Variants in MAP4K4 observed in about 807,000 individuals in gnomAD.
MAP4K4 encodes HPK/GCK-like kinase HGK.
A neutral mutation model predicts 189.6 loss-of-function variants in MAP4K4; 38 were observed. The ratio of observed to expected loss-of-function variants is 0.20; its 90% CI spans 0.15 to 0.26. MAP4K4 has a LOEUF of 0.26. MAP4K4 is among the 10% of genes least tolerant of loss of function. The pLI is 1.00. For missense variants in MAP4K4, 1,054 were observed against 1,726.9 expected, an observed-to-expected ratio of 0.61 and a Z score of 6.91; for synonymous variants, 610 against 624.3, an observed-to-expected ratio of 0.98 and a Z score of 0.34.
chr2:101,705,549 CAT>C (rs1320966909), intron 2 of MAP4K4, among the ~76,000 whole-genome samples: 1 of 152,180 alleles, frequency 6.6e-6, no homozygotes, highest in Admixed American at 6.5e-5. Flanking sequence ...AAAAGGTAGA[CAT>C]ATAGAATATC....
At chr2:101,763,272 G>A (rs115882388) in intron 2 of MAP4K4, among the ~76,000 whole-genome samples, 1,632 of 152,314 alleles carry the variant, frequency 0.011, 38 homozygotes, top group African/African-American at 0.037. Flanking sequence ...AGTGGATAAA[G>A]GCGCTGTTCT....
intron 10 of MAP4K4, 131 bp from the exon 11 acceptor site, chr2:101,842,478 C>T (rs567866489): frequency 3.3e-6 from 2 of 605,618 alleles, no homozygotes; most frequent in South Asian, 4.5e-5. Context: ...TCCCCAAATC[C>T]TCTATACAAG....
chr2:101,759,506 C>CA, intron 2 of MAP4K4, among the ~76,000 whole-genome samples: 1 of 58,314 alleles, frequency 1.7e-5, no homozygotes, highest in Admixed American at 1.6e-4. Flanking sequence ...CTCCCCTCTC[C>CA]CCTCCCCTCC....
exon 33 of MAP4K4, chr2:101,893,132 A>G: frequency 2.2e-6 from 1 of 456,396 alleles, no homozygotes; most frequent in South Asian, 1.5e-5. Context: ...ACCTCTTGTC[A>G]GTTTCCTGTT....
chr2:101,862,473 C>T (rs113499535), intron 16 of MAP4K4, among the ~76,000 whole-genome samples: 1,826 of 152,128 alleles, frequency 0.012, 10 homozygotes, highest in Middle Eastern at 0.041. Flanking sequence ...TCTGAGGACT[C>T]GTGTTCTTTA....
chr2:101,784,001 C>T (rs2089237063), intron 2 of MAP4K4, among the ~76,000 whole-genome samples: 1 of 152,128 alleles, frequency 6.6e-6, no homozygotes, highest in Non-Finnish European at 1.5e-5. Context: ...CTGTCCCCTT[C>T]TGGGATTTGG....
intron 12 of MAP4K4, among the ~76,000 whole-genome samples, chr2:101,846,966 A>G (rs1227093059): frequency 6.6e-6 from 1 of 152,234 alleles, no homozygotes; most frequent in Non-Finnish European, 1.5e-5. Flanking sequence ...GCAGATGCCC[A>G]AGCCCCTGAT....
intron 27 of MAP4K4, among the ~76,000 whole-genome samples, chr2:101,877,397 G>A (rs1393001203): frequency 6.6e-6 from 1 of 151,644 alleles, no homozygotes; most frequent in Non-Finnish European, 1.5e-5. Flanking sequence ...ATCTCTCACT[G>A]CCCTCTCTGC....
chr2:101,761,919 G>A (rs7559442), intron 2 of MAP4K4, among the ~76,000 whole-genome samples: 14,760 of 152,154 alleles, frequency 0.097, 2,034 homozygotes, highest in African/African-American at 0.31. Context: ...GCTACATTCA[G>A]CGCTGGTGCT....
chr2:101,797,690 A>C (rs1287037969), intron 3 of MAP4K4, among the ~76,000 whole-genome samples: 1 of 152,052 alleles, frequency 6.6e-6, no homozygotes, highest in Non-Finnish European at 1.5e-5. Context: ...ATACTGGTAT[A>C]AGACAAGACC....
intron 2 of MAP4K4, among the ~76,000 whole-genome samples, chr2:101,750,908 G>A (rs1248968336): frequency 6.6e-6 from 1 of 151,740 alleles, no homozygotes; most frequent in African/African-American, 2.4e-5. Context: ...CATCAAGATT[G>A]TGTATTCAGA....
At chr2:101,782,579 A>T (rs957470895) in intron 2 of MAP4K4, among the ~76,000 whole-genome samples, 4 of 152,200 alleles carry the variant, frequency 2.6e-5, no homozygotes. Flanking sequence ...ACGTGCACAT[A>T]TAGGAGCCCT....
intron 2 of MAP4K4, among the ~76,000 whole-genome samples, chr2:101,740,040 T>C (rs2061930479): frequency 6.6e-6 from 1 of 152,130 alleles, no homozygotes; most frequent in African/African-American, 2.4e-5. Context: ...TGACCACAGG[T>C]CATAGGCCCC....
At chr2:101,799,811 C>T (rs1258634885) in intron 3 of MAP4K4, among the ~76,000 whole-genome samples, 1 of 152,104 alleles carries the variant, frequency 6.6e-6, no homozygotes, top group Non-Finnish European at 1.5e-5. Flanking sequence ...CTGTGTTACC[C>T]AGGCTGGTCT....
At chr2:101,872,157 A>ATT (rs925518664) in intron 24 of MAP4K4, among the ~76,000 whole-genome samples, 1 of 140,732 alleles carries the variant, frequency 7.1e-6, no homozygotes, top group Non-Finnish European at 1.6e-5. Flanking sequence ...AACAGAACTG[A>ATT]TTTTTTTTTT....
intron 15 of MAP4K4, 23 bp from the exon 16 acceptor site, chr2:101,860,802 T>C (rs2097628253): frequency 6.3e-7 from 1 of 1,586,940 alleles, no homozygotes; most frequent in Middle Eastern, 1.7e-4. Context: ...CACTGAGTTA[T>C]GTCTTCTAAT....
chr2:101,893,187 C>T (rs1308523725), exon 33 of MAP4K4: 4 of 456,448 alleles, frequency 8.8e-6, no homozygotes, highest in Non-Finnish European at 1.8e-5. Context: ...GAGCTACAAA[C>T]ATCTGGTAAG....
intron 12 of MAP4K4, among the ~76,000 whole-genome samples, chr2:101,847,694 TAAAG>T (rs1329407436): frequency 2.0e-5 from 3 of 152,150 alleles, no homozygotes; most frequent in Admixed American, 2.0e-4. Context: ...ATTTAAAAGT[TAAAG>T]TAAGAAAAAA....
intron 13 of MAP4K4, 85 bp from the exon 14 acceptor site, chr2:101,858,911 G>A: frequency 1.1e-6 from 1 of 918,904 alleles, no homozygotes; most frequent in Non-Finnish European, 1.7e-6. Flanking sequence ...GGTGATTGGA[G>A]CAAATGGTTC....
Sources: allele counts gnomAD v4.1 joint callset (sites outside exome capture counted in the v4.1 genomes callset), GRCh38; gene constraint gnomAD v4.1.1; transcripts MANE v1.5; gene names NCBI Gene and HGNC (gene_info 2026-07-23, HGNC 2026-07-21).